USP16: variants seen among roughly 807,000 people sequenced by gnomAD.
USP16 encodes the protein ubiquitin carboxyl-terminal hydrolase 16.
USP16 carries 77 observed loss-of-function variants against 95.9 expected under a neutral mutation model. The observed-to-expected ratio is 0.80, with a 90% confidence interval of 0.67 to 0.97. The LOEUF is 0.97. USP16 is among the 50% of genes least tolerant of loss of function. The pLI is 0.00. For missense variants in USP16, 943 were observed against 959.9 expected (o/e 0.98, Z 0.23); for synonymous variants, 303 against 318.2 (o/e 0.95, Z 0.51).
chr21:29,044,915 G>T (rs2085301138), intron 13 of USP16, among the ~76,000 whole-genome samples: 1 of 152,022 alleles, frequency 6.6e-6, no homozygotes, highest in South Asian at 2.1e-4. Flanking sequence ...TCATCTGTAG[G>T]GTAAATTTTG....
In USP16 at chr21:29,030,770, T is replaced by A; in HGVS notation, c.237T>A (p.His79Gln). Residue 79 changes from histidine to glutamine, a missense_variant, in exon 3 of 18, where the codon CAT becomes CAA. By Grantham distance (24) the His-to-Gln change is conservative. Coordinates refer to ENST00000399976, the MANE Select transcript of USP16 (RefSeq NM_006447.3). The stretch of plus-strand genomic sequence containing the variant: ...TTTGGCTGTGTCTTAAATGTGGCCA[T>A]CAGGTATGCTTACGTTTTAAGATCA... ...PSVWLCLKCGHQGCGRNSQEQ... is the reference protein window; with the variant it reads ...PSVWLCLKCGQQGCGRNSQEQ... 6.2e-7 allele frequency: 1 copy of A among 1,601,708 alleles called. No homozygotes were observed. Among genetic ancestry groups the A allele is most frequent in the Non-Finnish European group, 8.5e-7 (1 of 1,176,448 alleles).
intron 13 of USP16, 101 bp from the exon 14 acceptor site, chr21:29,046,566 G>C: frequency 8.2e-7 from 1 of 1,216,476 alleles, no homozygotes; most frequent in South Asian, 1.6e-5. Flanking sequence ...ACTGGATATA[G>C]TACATGTGTG....
At chr21:29,024,816 C>T in intron 1 of USP16, 39 bp downstream of exon 1, 1 of 1,252,984 alleles carries the variant, frequency 8.0e-7, no homozygotes, top group Non-Finnish European at 1.0e-6. Flanking sequence ...CGTCGCTCGC[C>T]TGGCTTTCTG....
chr21:29,038,397 T>G lies in USP16; in HGVS notation c.699T>G (p.Ile233Met). 6.2e-7 allele frequency: 1 copy of G among 1,613,018 alleles called. No homozygotes were observed. Among genetic ancestry groups the G allele is most frequent in the Non-Finnish European group, 8.5e-7 (1 of 1,179,286 alleles). The part of the protein sequence containing the change: ...LLKEVKMSGT[I>M]VKIEPPDLAL... ...AAGAAGTGAAAATGTCTGGAACAATTGTAAAAATTGAACCACCTGATTTGG... is the reference window on the plus strand; with the variant it reads ...AAGAAGTGAAAATGTCTGGAACAATGGTAAAAATTGAACCACCTGATTTGG... The change falls in exon 7 of 18, where the codon ATT becomes ATG. Residue 233 changes from isoleucine to methionine, a missense_variant. Coordinates refer to ENST00000399976, the MANE Select transcript of USP16 (RefSeq NM_006447.3).
rs1450742332 is a variant in USP16, at chr21:29,038,360, G to A, written c.662G>A (p.Arg221Lys). The A allele has an allele frequency of 6.2e-7, 1 of 1,612,338 alleles. No individual in the cohort carries two copies. The highest frequency in any genetic ancestry group is 2.2e-5 in the East Asian group (1 of 44,814). The part of the protein sequence containing the change: ...MQNLSQTPVL[R>K]ELLKEVKMSG... ...AACTTGTCACAAACACCAGTGCTTA[G>A]AGAACTACTAAAAGAAGTGAAAATG... is the stretch of plus-strand genomic sequence containing the variant. The change falls in exon 7 of 18, where the codon AGA (arginine) becomes AAA (lysine). Residue 221 changes from arginine to lysine, a missense_variant. Transcript: ENST00000399976.
rs932370324 is a variant in USP16, at chr21:29,044,644, G to A, written c.1356+1045G>A. Among the ~76,000 whole-genome samples, 44 of 151,608 alleles carry A rather than the reference G, an allele frequency of 2.9e-4. 1 individual carries two copies. Among genetic ancestry groups the A allele is most frequent in the Admixed American group, 1.5e-3 (23 of 15,218 alleles). ...TGTATTTTTAGTAAAGACAGGTTTC[G>A]CCATGTTGGTCAGGCTGGTCTCTAA... On this transcript the variant is annotated intron_variant, in intron 13 of 17. Coordinates refer to ENST00000399976, the MANE Select transcript of USP16 (RefSeq NM_006447.3).
intron 15 of USP16, 22 bp from the exon 16 acceptor site, chr21:29,050,070 A>G (rs1243589593): frequency 1.3e-6 from 2 of 1,596,598 alleles, no homozygotes; most frequent in Middle Eastern, 1.7e-4. Flanking sequence ...AAAGAAGTCA[A>G]TCTGTTATGC....
At chr21:29,031,773 A>G (rs1429402016) in intron 3 of USP16, among the ~76,000 whole-genome samples, 1 of 152,152 alleles carries the variant, frequency 6.6e-6, no homozygotes, top group African/African-American at 2.4e-5. Flanking sequence ...TCAAATTGAA[A>G]ATCTTATTGA....
chr21:29,034,515 G>C (rs2085124495), intron 3 of USP16, among the ~76,000 whole-genome samples: 3 of 152,040 alleles, frequency 2.0e-5, no homozygotes, highest in African/African-American at 7.2e-5. Flanking sequence ...GTTTCACCAT[G>C]TTGGTCAGGC....
At chr21:29,037,579 C>CTTTTTTTTTTTTTTTTTTTTTTTTTTTT (rs71189336) in intron 6 of USP16, 116 bp downstream of exon 6, 1 of 171,646 alleles carries the variant, frequency 5.8e-6, no homozygotes. Flanking sequence ...CCAAAGAAAA[C>CTTTTTTTTTTTTTTTTTTTTTTTTTTTT]TTTTTTTTTT....
intron 7 of USP16, 91 bp from the exon 8 acceptor site, chr21:29,038,935 C>A: frequency 1.6e-6 from 2 of 1,284,174 alleles, no homozygotes; most frequent in Non-Finnish European, 2.0e-6. Context: ...CTGTCAGGAA[C>A]ATTGGTAGTA....
In USP16 at chr21:29,037,395, C is replaced by T. The variant is rs763668195; in HGVS notation, c.568C>T (p.Pro190Ser). Residue 190 changes from proline to serine, a missense_variant, in exon 6 of 18, where the codon CCT becomes TCT. Pro to Ser is a moderately conservative substitution (Grantham distance 74, BLOSUM62 -1). Coordinates refer to ENST00000399976, the MANE Select transcript of USP16 (RefSeq NM_006447.3). ...TAAAGAGAATCCTCCCATGAATTCTCCTTGCCAAATAACCGTGAAAGGACT... is the reference window on the plus strand; with the variant it reads ...TAAAGAGAATCCTCCCATGAATTCTTCTTGCCAAATAACCGTGAAAGGACT... ...MAKENPPMNS[P>S]CQITVKGLSN... The T allele has an allele frequency of 1.1e-5, 18 of 1,609,298 alleles. No homozygotes were observed. In the East Asian group the frequency reaches 4.0e-4, roughly 36 times the overall value.
At chr21:29,040,578 AGT>A (rs1491446271) in intron 9 of USP16, 29 bp from the exon 10 acceptor site, 1 of 952,670 alleles carries the variant, frequency 1.0e-6, no homozygotes, top group African/African-American at 1.7e-5. Context: ...AAAATTTAAT[AGT>A]ATATATATAT....
At chr21:29,040,394 A>G (rs1198548811) in intron 9 of USP16, among the ~76,000 whole-genome samples, 1 of 152,162 alleles carries the variant, frequency 6.6e-6, no homozygotes, top group East Asian at 1.9e-4. Context: ...AGATCTTGAA[A>G]TGATAAGATA....
At chr21:29,033,917 A>T (rs891469875) in intron 3 of USP16, among the ~76,000 whole-genome samples, 2 of 152,226 alleles carry the variant, frequency 1.3e-5, no homozygotes, top group Non-Finnish European at 2.9e-5. Flanking sequence ...GTTAGGTAGC[A>T]GTGTTCATAA....
chr21:29,037,115 G>A (rs1267496131), intron 5 of USP16, among the ~76,000 whole-genome samples, 161 bp from the exon 6 acceptor site: 1 of 151,692 alleles, frequency 6.6e-6, no homozygotes, highest in Non-Finnish European at 1.5e-5. Flanking sequence ...TTTTTTTTCT[G>A]GATGGCAATT....
In USP16 at chr21:29,037,283, A is replaced by G. The variant is rs1387002562; in HGVS notation, c.456A>G (p.Lys152=). The change falls in exon 6 of 18, where the codon AAA becomes AAG. Residue 152 remains lysine, a synonymous_variant. Coordinates refer to ENST00000399976, the MANE Select transcript of USP16 (RefSeq NM_006447.3). ...ASITTPKPAE[K]DNGNIELENK... is the part of the protein sequence containing the mutation. Reference sequence around the variant, plus strand: ...TCTTTTCTTTTTTTAAAGCAGAGAAAGATAATGGAAATATTGAACTTGAAA... The same window carrying G: ...TCTTTTCTTTTTTTAAAGCAGAGAAGGATAATGGAAATATTGAACTTGAAA... The G allele has an allele frequency of 6.6e-7, 1 of 1,525,476 alleles. No homozygotes were observed. Among genetic ancestry groups the G allele is most frequent in the African/African-American group, 1.4e-5 (1 of 71,452 alleles). 94.5% of individuals were successfully genotyped at this position (1,525,476 alleles called of 1,614,324 possible). A position where few individuals can be genotyped will look rare whatever the true frequency, so the allele number is the denominator to read the frequency against.
chr21:29,047,063 CT>C lies in USP16; in HGVS notation c.1755del (p.His586IlefsTer5). On this transcript the variant is annotated frameshift_variant, in exon 14 of 18. Coordinates refer to ENST00000399976, the MANE Select transcript of USP16 (RefSeq NM_006447.3). LOFTEE classifies it high-confidence loss of function. The part of the protein sequence containing the change: ...GFKNLNLNAA[L>X]HPDEINIEIL... ...CAAAAACCTAAATTTGAATGCTGCT[CT>C]TCATCCTGATGAAATAAATATAGAG... 1 of 1,614,072 alleles carries C rather than the reference CT, an allele frequency of 6.2e-7. No individual in the cohort carries two copies. The highest frequency in any genetic ancestry group is 8.5e-7 in the Non-Finnish European group (1 of 1,180,024).
In USP16 at chr21:29,038,191, G is replaced by A. The variant is rs1461259746; in HGVS notation, c.637-144G>A. On this transcript the variant is annotated intron_variant, in intron 6 of 17. Transcript: ENST00000399976. ...TGACCCAAATAGAGTAGGGAGAGAA[G>A]CATCTGTAACTTTTCATTTTCCAAG... is the stretch of plus-strand genomic sequence containing the variant. 3 of 574,318 alleles carry A rather than the reference G, an allele frequency of 5.2e-6. No homozygotes were observed. In the African/African-American group the frequency reaches 5.6e-5, roughly 11 times the overall value. The allele number at this position is 574,318 out of a possible 1,614,324, so 35.6% of individuals were successfully genotyped here.
Sources: gnomAD v4.1 joint callset for allele counts (sites outside exome capture counted in the v4.1 genomes callset) on GRCh38, gnomAD v4.1.1 for gene constraint, MANE v1.5 for transcripts, NCBI Gene and HGNC (gene_info 2026-07-23, HGNC 2026-07-21) for gene names.